The following GNAO1 variants were observed in gnomAD, a reference collection of about 807,000 sequenced individuals.
GNAO1 encodes the protein G protein subunit alpha o1, also known as guanine nucleotide-binding protein G(o) subunit alpha.
For synonymous variants in GNAO1, 164 were observed against 180.7 expected (o/e 0.91, Z 0.74); for missense variants, 166 against 478.7 (o/e 0.35, Z 6.10).
chr16:56,272,317 A>T (rs1229677779), intron 2 of GNAO1, among the ~76,000 whole-genome samples: 3 of 152,184 alleles, frequency 2.0e-5, no homozygotes, highest in African/African-American at 4.8e-5. Context: ...CATCTGAAAA[A>T]AAAAAGGATA....
chr16:56,215,386 C>T (rs557750437), intron 2 of GNAO1, among the ~76,000 whole-genome samples: 1 of 152,300 alleles, frequency 6.6e-6, no homozygotes, highest in East Asian at 1.9e-4. Context: ...CACCATGAGC[C>T]TGACACAGAG....
intron 3 of GNAO1, among the ~76,000 whole-genome samples, chr16:56,295,309 T>C (rs1177015651): frequency 2.6e-5 from 4 of 152,170 alleles, no homozygotes; most frequent in Non-Finnish European, 5.9e-5. Context: ...GGCTCGCAGA[T>C]GGGCAGGTCC....
At chr16:56,217,924 G>T (rs1348734318) in intron 2 of GNAO1, among the ~76,000 whole-genome samples, 1 of 152,222 alleles carries the variant, frequency 6.6e-6, no homozygotes, top group Non-Finnish European at 1.5e-5. Context: ...TAACAGCAAT[G>T]CATGGTAAAG....
chr16:56,241,866 G>A (rs1469391291), intron 2 of GNAO1, among the ~76,000 whole-genome samples: 1 of 152,220 alleles, frequency 6.6e-6, no homozygotes, highest in African/African-American at 2.4e-5. Flanking sequence ...GTGGGAGCTG[G>A]GCATGAGCAG....
intron 3 of GNAO1, among the ~76,000 whole-genome samples, chr16:56,293,703 A>C (rs1277082478): frequency 6.6e-6 from 1 of 152,204 alleles, no homozygotes; most frequent in African/African-American, 2.4e-5. Flanking sequence ...CCATAATTTC[A>C]TATCTATGAC....
chr16:56,276,136 T>C, intron 3 of GNAO1, 64 bp downstream of exon 3: 2 of 1,416,860 alleles, frequency 1.4e-6, no homozygotes, highest in Non-Finnish European at 2.0e-6. Context: ...CACTGCCTCC[T>C]CTTTATAGTG....
chr16:56,198,021 G>C (rs1178195303), intron 2 of GNAO1, among the ~76,000 whole-genome samples: 1 of 152,012 alleles, frequency 6.6e-6, no homozygotes, highest in Non-Finnish European at 1.5e-5. Context: ...CAACAGAAAA[G>C]CTGGTGAAGG....
At chr16:56,230,838 A>C (rs994847127) in intron 2 of GNAO1, among the ~76,000 whole-genome samples, 1 of 152,206 alleles carries the variant, frequency 6.6e-6, no homozygotes, top group Non-Finnish European at 1.5e-5. Context: ...GAAAAGGCTC[A>C]TAGAGACCAT....
intron 2 of GNAO1, among the ~76,000 whole-genome samples, chr16:56,249,084 G>A (rs2036775565): frequency 6.6e-6 from 1 of 152,222 alleles, no homozygotes; most frequent in South Asian, 2.1e-4. Flanking sequence ...GGAGGTAGCA[G>A]AGCAATCAGG....
At chr16:56,214,651 G>A (rs2036422714) in intron 2 of GNAO1, among the ~76,000 whole-genome samples, 1 of 152,192 alleles carries the variant, frequency 6.6e-6, no homozygotes, top group Non-Finnish European at 1.5e-5. Flanking sequence ...CTCAGCATGG[G>A]AGTACCAATT....
intron 2 of GNAO1, 54 bp from the exon 3 acceptor site, chr16:56,275,877 G>C (rs2037056880): frequency 6.6e-7 from 1 of 1,516,752 alleles, no homozygotes; most frequent in Admixed American, 1.9e-5. Flanking sequence ...TGTGCTCTCT[G>C]TGTTGATGAG....
At chr16:56,255,498 G>A (rs1030441451) in intron 2 of GNAO1, 1 of 152,166 alleles carries the variant, frequency 6.6e-6, no homozygotes, top group African/African-American at 2.4e-5. Flanking sequence ...TTCAATGTCA[G>A]TCTTACTCTT....
intron 2 of GNAO1, among the ~76,000 whole-genome samples, chr16:56,247,470 T>C (rs1305829036): frequency 6.6e-6 from 1 of 151,650 alleles, no homozygotes; most frequent in East Asian, 1.9e-4. Flanking sequence ...TGCTACCTTT[T>C]ATTAGGGTGA....
intron 3 of GNAO1, among the ~76,000 whole-genome samples, chr16:56,285,393 C>A (rs896903209): frequency 5.9e-5 from 9 of 152,252 alleles, no homozygotes; most frequent in Non-Finnish European, 1.2e-4. Flanking sequence ...CCATTGCAGC[C>A]CCTCTTCTAC....
chr16:56,338,197 G>T (rs1403502652), intron 6 of GNAO1, among the ~76,000 whole-genome samples: 1 of 152,162 alleles, frequency 6.6e-6, no homozygotes, highest in Non-Finnish European at 1.5e-5. Flanking sequence ...GGCTGGTGGT[G>T]TGGGTAGTCT....
intron 3 of GNAO1, among the ~76,000 whole-genome samples, chr16:56,279,754 A>G (rs2037097398): frequency 6.6e-6 from 1 of 152,212 alleles, no homozygotes; most frequent in Non-Finnish European, 1.5e-5. Flanking sequence ...TGAGCAGCTC[A>G]TGAAAGCCGC....
chr16:56,307,560 C>T (rs1445195025), intron 3 of GNAO1: 1 of 152,164 alleles, frequency 6.6e-6, no homozygotes, highest in Non-Finnish European at 1.5e-5. Context: ...TGGGTTCTCT[C>T]ACAGGAGCCC....
At position 56,357,026 on chromosome 16, in the gene GNAO1, C is replaced by CA. The variant is rs753966750; in HGVS notation, c.*961dup. On this transcript the variant is annotated 3_prime_UTR_variant, in exon 9 of 9. Coordinates refer to ENST00000262493, the MANE Select transcript of GNAO1 (RefSeq NM_020988.3). ...ATGTTTGTGCTGCAGACAAAAAGAA[C>CA]AAAAAAAAATTTTTAAATACCACAA... 1.5e-3 allele frequency: 207 copies of CA among 141,282 alleles called. No individual in the cohort carries two copies. Among genetic ancestry groups the CA allele is most frequent in the Non-Finnish European group, 2.4e-3 (155 of 64,420 alleles). The allele number at this position is 141,282 out of a possible 1,614,324, so 8.8% of individuals were successfully genotyped here.
intron 3 of GNAO1, among the ~76,000 whole-genome samples, chr16:56,310,208 G>A (rs1348442614): frequency 2.0e-5 from 3 of 152,074 alleles, no homozygotes; most frequent in Admixed American, 1.3e-4. Context: ...TGCTCCCGTA[G>A]TCCTAGGTAC....
Sources: gnomAD v4.1 joint callset for allele counts (sites outside exome capture counted in the v4.1 genomes callset) on GRCh38, gnomAD v4.1.1 for gene constraint, MANE v1.5 for transcripts, NCBI Gene and HGNC (gene_info 2026-07-23, HGNC 2026-07-21) for gene names.